SIRT5: variants seen among roughly 807,000 people sequenced by gnomAD.
SIRT5 encodes NAD-dependent protein deacylase sirtuin-5, mitochondrial.
A neutral mutation model predicts 40.0 loss-of-function variants in SIRT5; 26 were observed. The observed-to-expected ratio is 0.65, with a 90% confidence interval of 0.48 to 0.90. The LOEUF is 0.90. SIRT5 is among the 40% of genes least tolerant of loss of function. The pLI is 0.00. For missense variants in SIRT5, 401 were observed against 402.4 expected (o/e 1.00, Z 0.03); for synonymous variants, 146 against 149.1 (o/e 0.98, Z 0.15).
intron 9 of SIRT5, chr6:13,604,672 G>T: frequency 7.1e-7 from 1 of 1,404,268 alleles, no homozygotes; most frequent in Non-Finnish European, 9.2e-7. Flanking sequence ...GGATATGGTG[G>T]CTGTGTCTTC....
intron 9 of SIRT5, 100 bp downstream of exon 9, chr6:13,601,049 A>AAACCC: frequency 1.1e-6 from 1 of 876,728 alleles, no homozygotes; most frequent in Non-Finnish European, 1.7e-6. Flanking sequence ...TAAAAAAGAC[A>AAACCC]TAGGGTTTGT....
At chr6:13,590,429 G>C (rs1584782154) in intron 4 of SIRT5, among the ~76,000 whole-genome samples, 1 of 152,252 alleles carries the variant, frequency 6.6e-6, no homozygotes, top group Middle Eastern at 3.4e-3. Context: ...ATGTGTAGCT[G>C]TGTGTGTTTA....
At chr6:13,603,528 C>G (rs1411072147) in intron 9 of SIRT5, among the ~76,000 whole-genome samples, 1 of 152,202 alleles carries the variant, frequency 6.6e-6, no homozygotes, top group African/African-American at 2.4e-5. Context: ...TACCACTTCA[C>G]AGCCACAAGC....
rs1764073805 is a variant in SIRT5 at position 13,613,018 on chromosome 6, T to A, written c.*1153T>A. ...TAACTTCAGTAGGGATGGCACCAGG[T>A]TCAAGAGGCCAAAGAAGAGACCTGG... On this transcript the variant is annotated 3_prime_UTR_variant, in exon 10 of 10. Transcript: ENST00000606117. 1 of 152,436 alleles carries A rather than the reference T, an allele frequency of 6.6e-6. No homozygotes were observed. The highest frequency in any genetic ancestry group is 1.5e-5 in the Non-Finnish European group (1 of 68,062). 9.4% of individuals were successfully genotyped at this position (152,436 alleles called of 1,614,324 possible). A position where few individuals can be genotyped will look rare whatever the true frequency, so the allele number is the denominator to read the frequency against.
chr6:13,599,994 T>C (rs2127697194), intron 8 of SIRT5, among the ~76,000 whole-genome samples: 1 of 152,354 alleles, frequency 6.6e-6, no homozygotes, highest in South Asian at 2.1e-4. Context: ...GTGTTATATA[T>C]GGATAAGGAA....
At chr6:13,582,418 G>T (rs954499363) in intron 2 of SIRT5, among the ~76,000 whole-genome samples, 1 of 151,802 alleles carries the variant, frequency 6.6e-6, no homozygotes, top group Non-Finnish European at 1.5e-5. Flanking sequence ...CAGTCTATTC[G>T]CATTGTTGTG....
At chr6:13,605,655 T>G (rs1763008207) in intron 9 of SIRT5, 1 of 985,332 alleles carries the variant, frequency 1.0e-6, no homozygotes, top group Non-Finnish European at 1.2e-6. Context: ...GGTTTTGTCG[T>G]TTTCCCCATG....
At chr6:13,605,520 C>T (rs1762992465) in intron 9 of SIRT5, 1 of 985,458 alleles carries the variant, frequency 1.0e-6, no homozygotes, top group Non-Finnish European at 1.2e-6. Context: ...TCTCACAAGA[C>T]ACCTTAGGCC....
chr6:13,610,968 C>G (rs1342925521), intron 9 of SIRT5, among the ~76,000 whole-genome samples: 1 of 151,946 alleles, frequency 6.6e-6, no homozygotes, highest in Non-Finnish European at 1.5e-5. Context: ...GGAAGTCCTG[C>G]TTTTGCTTCT....
chr6:13,590,347 G>A (rs1176690240), intron 4 of SIRT5, among the ~76,000 whole-genome samples: 1 of 151,994 alleles, frequency 6.6e-6, no homozygotes, highest in South Asian at 2.1e-4. Context: ...AAGGAGGTTT[G>A]TTTCTCCCAG....
In SIRT5 at chr6:13,607,966, C is replaced by T. The variant is rs1763342623; in HGVS notation, c.858-3824C>T. On this transcript the variant is annotated intron_variant, in intron 9 of 9. Coordinates refer to ENST00000606117, the MANE Select transcript of SIRT5 (RefSeq NM_012241.5). This position sits in a 1 kb window ranked among gnomAD's most constrained non-coding sequence, Gnocchi z 4.0. ...GTAGAGACGGGTTTTCACCACATTG[C>T]CCAGGCTGGTCTCAAACTACTGACA... Among the ~76,000 whole-genome samples the T allele has an allele frequency of 6.6e-6, 1 of 152,096 alleles. No individual in the cohort carries two copies. The highest frequency in any genetic ancestry group is 2.1e-4 in the South Asian group (1 of 4,824).
In SIRT5 at chr6:13,599,353, A is replaced by C. The variant is rs531871199; in HGVS notation, c.741+198A>C. ...TAGAAAAACTGAGAAACAATGAATA[A>C]GAATTTGTATTAAAATAGGAAACCA... On this transcript the variant is annotated intron_variant, in intron 8 of 9. Coordinates refer to ENST00000606117, the MANE Select transcript of SIRT5 (RefSeq NM_012241.5). Among the ~76,000 whole-genome samples the C allele has an allele frequency of 3.5e-3, 536 of 152,284 alleles. 1 individual carries two copies. The highest frequency in any genetic ancestry group is 0.012 in the African/African-American group (510 of 41,546).
rs1314730649 is a variant in SIRT5 at position 13,599,079 on chromosome 6, G to A, written c.665G>A (p.Trp222Ter). ...GGCTTGCTGCGACCTCACGTCGTGT[G>A]GTTTGGAGAAAACCTGGATCCTGCC... ...CGGLLRPHVV[W>*]FGENLDPAIL... The change falls in exon 8 of 10, where the codon TGG becomes TAG. Residue 222 changes from tryptophan (W) to a stop codon, truncating the protein, a stop_gained. Transcript: ENST00000606117. LOFTEE classifies it high-confidence loss of function. 1.9e-6 allele frequency: 3 copies of A among 1,614,104 alleles called. No individual in the cohort carries two copies. The highest frequency in any genetic ancestry group is 1.7e-6 in the Non-Finnish European group (2 of 1,180,004).
intron 2 of SIRT5, 30 bp from the exon 3 acceptor site, chr6:13,584,046 A>G (rs1319099931): frequency 2.9e-6 from 3 of 1,021,100 alleles, no homozygotes; most frequent in Admixed American, 1.8e-5. Context: ...GATTGTTTCT[A>G]CACTATTTGT....
intron 3 of SIRT5, among the ~76,000 whole-genome samples, chr6:13,586,420 C>T (rs1388027078): frequency 6.6e-6 from 1 of 151,970 alleles, no homozygotes; most frequent in Non-Finnish European, 1.5e-5. Context: ...TAATTTTTGT[C>T]TAAGGTGTAA....
chr6:13,603,686 A>G (rs1391086478), intron 9 of SIRT5, among the ~76,000 whole-genome samples: 3 of 152,258 alleles, frequency 2.0e-5, no homozygotes, highest in South Asian at 2.1e-4. Flanking sequence ...ATGATCTAGC[A>G]ATTCTACTCC....
chr6:13,597,265 A>G (rs1223055656), intron 7 of SIRT5, among the ~76,000 whole-genome samples: 2 of 151,992 alleles, frequency 1.3e-5, no homozygotes, highest in African/African-American at 4.8e-5. Flanking sequence ...AGGTCGGGAA[A>G]GTTTCTGAAG....
chr6:13,608,357 T>C (rs1345811783), intron 9 of SIRT5, among the ~76,000 whole-genome samples: 1 of 152,146 alleles, frequency 6.6e-6, no homozygotes, highest in Non-Finnish European at 1.5e-5. Flanking sequence ...AGGCTGAGGC[T>C]GGAGGATCAC....
At chr6:13,585,732 AT>A (rs1261401462) in intron 3 of SIRT5, among the ~76,000 whole-genome samples, 1 of 152,170 alleles carries the variant, frequency 6.6e-6, no homozygotes, top group Non-Finnish European at 1.5e-5. Context: ...TAGTAGCATG[AT>A]TTATAATCCT....
Sources: allele counts gnomAD v4.1 joint callset (sites outside exome capture counted in the v4.1 genomes callset), GRCh38; gene constraint gnomAD v4.1.1; non-coding constraint Gnocchi (gnomAD v3.1); transcripts MANE v1.5; gene names NCBI Gene and HGNC (gene_info 2026-07-23, HGNC 2026-07-21).